CECR2: variants seen among roughly 807,000 people sequenced by gnomAD.
The protein encoded by CECR2 is chromatin remodeling regulator CECR2.
A neutral mutation model predicts 154.5 loss-of-function variants in CECR2; 30 were observed. That is an observed-to-expected ratio of 0.19 (90% CI 0.15 to 0.26). The LOEUF is 0.26. Among genes scored for constraint, CECR2 ranks in the 10% least tolerant of loss-of-function variants. CECR2 has a pLI of 1.00. For missense variants in CECR2, 1,743 were observed against 1,829.3 expected (o/e 0.95, Z 0.86); for synonymous variants, 725 against 683.7 (o/e 1.06, Z -0.94).
intron 2 of CECR2, among the ~76,000 whole-genome samples, chr22:17,485,751 C>G (rs79568180): frequency 0.091 from 13,892 of 152,114 alleles, 1,181 homozygotes; most frequent in East Asian, 0.46. Flanking sequence ...GCCTGGGTAG[C>G]AGAGTGAGAC....
chr22:17,478,963 A>ATTCG (rs71728363), intron 2 of CECR2, among the ~76,000 whole-genome samples: 4,400 of 152,264 alleles, frequency 0.029, 161 homozygotes, highest in East Asian at 0.22. Context: ...GCACTGTTGT[A>ATTCG]TTCGTACCTT....
At chr22:17,370,639 A>C (rs148773876) in intron 1 of CECR2, among the ~76,000 whole-genome samples, 1 of 152,036 alleles carries the variant, frequency 6.6e-6, no homozygotes, top group African/African-American at 2.4e-5. Context: ...GCGAGCGCGG[A>C]GGACGGGCTG....
At chr22:17,381,776 C>T (rs1310050610) in intron 1 of CECR2, among the ~76,000 whole-genome samples, 1 of 152,024 alleles carries the variant, frequency 6.6e-6, no homozygotes, top group Non-Finnish European at 1.5e-5. Context: ...TGTAAGAGTT[C>T]AGAGGAAGGC....
At chr22:17,450,209 A>G in intron 1 of CECR2, among the ~76,000 whole-genome samples, 1 of 152,216 alleles carries the variant, frequency 6.6e-6, no homozygotes, top group Non-Finnish European at 1.5e-5. Context: ...GTTTAGATTC[A>G]TTTGAGGAAA....
At chr22:17,391,761 C>T (rs1327228946) in intron 1 of CECR2, among the ~76,000 whole-genome samples, 2 of 152,188 alleles carry the variant, frequency 1.3e-5, no homozygotes, top group South Asian at 2.1e-4. Context: ...TAAAAATATA[C>T]CAATATAGTG....
At chr22:17,526,301 C>A (rs1056739297) in intron 9 of CECR2, among the ~76,000 whole-genome samples, 10 of 152,106 alleles carry the variant, frequency 6.6e-5, no homozygotes, top group Admixed American at 2.0e-4. Context: ...GGCATAAAAA[C>A]CAACACACAG....
chr22:17,415,940 G>A (rs1428307505), intron 1 of CECR2, among the ~76,000 whole-genome samples: 1 of 152,130 alleles, frequency 6.6e-6, no homozygotes, highest in African/African-American at 2.4e-5. Flanking sequence ...GGAGATTTGA[G>A]GGCTCATCAC....
chr22:17,373,407 T>C (rs1054933270), intron 1 of CECR2, among the ~76,000 whole-genome samples: 4 of 152,092 alleles, frequency 2.6e-5, no homozygotes, highest in East Asian at 1.9e-4. Context: ...AAAAAAAAAT[T>C]ATATAAACGT....
Position 17,483,875 on chromosome 22 carries a change from C to G in CECR2, c.221+6193C>G, listed in dbSNP as rs148084753. ...CAACTTTAGTTCTGCAAGCTGCACT[C>G]ATGACAAGTGCTTTATACAGATACA... On this transcript the variant is annotated intron_variant, in intron 2 of 18. Transcript: ENST00000262608. Among the ~76,000 whole-genome samples the G allele has an allele frequency of 9.7e-3, 1,482 of 152,306 alleles. 17 individuals are homozygous for G. Among genetic ancestry groups the G allele is most frequent in the South Asian group, 0.014 (68 of 4,828 alleles).
intron 2 of CECR2, among the ~76,000 whole-genome samples, chr22:17,481,267 C>T (rs1193170954): frequency 6.8e-6 from 1 of 146,626 alleles, no homozygotes; most frequent in East Asian, 2.1e-4. Context: ...GGCGTGAACC[C>T]GGGAGGTGGA....
chr22:17,420,069 T>C (rs778654430), intron 1 of CECR2, among the ~76,000 whole-genome samples: 4 of 152,204 alleles, frequency 2.6e-5, no homozygotes, highest in Admixed American at 6.5e-5. Context: ...CAGCTGTCCT[T>C]GAACAAGTTT....
At chr22:17,489,332 C>T (rs7288099) in intron 2 of CECR2, among the ~76,000 whole-genome samples, 26,672 of 152,162 alleles carry the variant, frequency 0.18, 2,419 homozygotes, top group Non-Finnish European at 0.2. Flanking sequence ...TGCATTTCCC[C>T]GATGACTAGT....
chr22:17,524,214 C>G lies in CECR2; in HGVS notation c.1051C>G (p.Gln351Glu). 1 of 1,609,794 alleles carries G rather than the reference C, an allele frequency of 6.2e-7. No homozygotes were observed. The change falls in exon 9 of 19, where the codon CAG becomes GAG. Residue 351 changes from glutamine to glutamate, a missense_variant. Gln to Glu is a conservative substitution (Grantham distance 29). This residue lies in a region of CECR2 where 292 missense variants were observed against 301.2 expected (regional missense o/e 0.97). Coordinates refer to ENST00000262608, the MANE Select transcript of CECR2 (RefSeq NM_001290047.2). ...LLAVQKKEQE[Q>E]MLKEERKREL... ...AGCAGTGCAGAAGAAGGAGCAGGAG[C>G]AGATGCTAAAGGAAGAGAGGAAACG...
At chr22:17,478,880 C>G (rs898506990) in intron 2 of CECR2, among the ~76,000 whole-genome samples, 5 of 152,114 alleles carry the variant, frequency 3.3e-5, no homozygotes, top group African/African-American at 1.2e-4. Flanking sequence ...TAAAAATAAA[C>G]ATAAAATATA....
intron 1 of CECR2, among the ~76,000 whole-genome samples, chr22:17,423,043 C>T (rs2054280371): frequency 6.6e-6 from 1 of 152,128 alleles, no homozygotes; most frequent in African/African-American, 2.4e-5. Context: ...TGTTCTGCCT[C>T]TTCACACTAC....
intron 2 of CECR2, among the ~76,000 whole-genome samples, chr22:17,492,087 A>G (rs759261905): frequency 2.6e-5 from 4 of 152,206 alleles, no homozygotes; most frequent in Admixed American, 6.5e-5. Flanking sequence ...TTGCTTTACT[A>G]CTAGAACCAG....
intron 1 of CECR2, among the ~76,000 whole-genome samples, chr22:17,381,845 A>G (rs113769755): frequency 2.6e-5 from 4 of 151,980 alleles, no homozygotes; most frequent in African/African-American, 9.7e-5. Flanking sequence ...GGTCATGCTG[A>G]GTAAGTCAGT....
rs2055648579 is a variant in CECR2, at chr22:17,497,362, T to G, written c.222-41T>G. ...CTCTCCTTCTCCCAACCAACCTATA[T>G]TTTATATTAATGTATTTTTGTGTTT... On this transcript the variant is annotated intron_variant, in intron 2 of 18. Coordinates refer to ENST00000262608, the MANE Select transcript of CECR2 (RefSeq NM_001290047.2). 1.9e-6 allele frequency: 3 copies of G among 1,549,080 alleles called. 1 individual carries two copies. In the South Asian group the frequency reaches 3.5e-5, roughly 18 times the overall value.
chr22:17,528,228 A>G (rs942802260), intron 9 of CECR2, among the ~76,000 whole-genome samples: 2 of 152,266 alleles, frequency 1.3e-5, no homozygotes, highest in African/African-American at 2.4e-5. Context: ...TTCAGCCATA[A>G]AAACAGAAAG....
Sources: allele counts gnomAD v4.1 joint callset (sites outside exome capture counted in the v4.1 genomes callset), GRCh38; gene constraint gnomAD v4.1.1; regional missense constraint gnomAD v4.1.1; transcripts MANE v1.5; gene names NCBI Gene and HGNC (gene_info 2026-07-23, HGNC 2026-07-21).